OR1J2: variants seen among roughly 807,000 people sequenced by gnomAD.
OR1J2 encodes the protein olfactory receptor family 1 subfamily J member 2.
For synonymous variants in OR1J2, 142 were observed against 99.7 expected (o/e 1.42, Z -2.52); for missense variants, 304 against 246.1 (o/e 1.24, Z -1.57).
chr9:122,556,603 G>T, the OR1J2 span, among the ~76,000 whole-genome samples: 1 of 152,058 alleles, frequency 6.6e-6, no homozygotes, highest in African/African-American at 2.4e-5. Flanking sequence ...GTTGAAAGGT[G>T]CAGCAAACCA....
the OR1J2 span, chr9:122,477,822 G>T: frequency 6.2e-7 from 1 of 1,613,902 alleles, no homozygotes; most frequent in Non-Finnish European, 8.5e-7. Context: ...CCGTGGTCAG[G>T]TACATGCCCA....
the OR1J2 span, among the ~76,000 whole-genome samples, chr9:122,566,837 G>T: frequency 6.6e-6 from 1 of 152,152 alleles, no homozygotes; most frequent in African/African-American, 2.4e-5. Flanking sequence ...TTATGGGAAG[G>T]TGAACCAGAA....
At chr9:122,462,302 T>G in the OR1J2 span, among the ~76,000 whole-genome samples, 1 of 140,916 alleles carries the variant, frequency 7.1e-6, no homozygotes, top group East Asian at 2.3e-4. Context: ...TAAGTGTATG[T>G]GAGTCCTTAT....
the OR1J2 span, chr9:122,519,114 A>G: frequency 2.0e-6 from 3 of 1,499,260 alleles, no homozygotes; most frequent in South Asian, 1.2e-5. Context: ...ATGTCCCTCT[A>G]TTTCCAGCAG....
At chr9:122,576,089 T>C in the OR1J2 span, among the ~76,000 whole-genome samples, 1 of 152,346 alleles carries the variant, frequency 6.6e-6, no homozygotes, top group South Asian at 2.1e-4. Flanking sequence ...CTTAATAATA[T>C]TGTAAGGCTG....
At chr9:122,451,872 C>G in the OR1J2 span, among the ~76,000 whole-genome samples, 1 of 152,054 alleles carries the variant, frequency 6.6e-6, no homozygotes, top group Admixed American at 6.6e-5. Context: ...ACTTCACCCA[C>G]CAAGGAGTAA....
the OR1J2 span, among the ~76,000 whole-genome samples, chr9:122,544,535 C>T: frequency 2.7e-5 from 4 of 150,738 alleles, no homozygotes; most frequent in Non-Finnish European, 4.4e-5. Context: ...ATTCTTCTGC[C>T]TCACCCTCCC....
chr9:122,518,973 A>C, the OR1J2 span, among the ~76,000 whole-genome samples: 1 of 152,340 alleles, frequency 6.6e-6, no homozygotes, highest in African/African-American at 2.4e-5. Flanking sequence ...TGAGTGATAA[A>C]ACCATCTACT....
chr9:122,541,355 G>A, the OR1J2 span, among the ~76,000 whole-genome samples: 2 of 152,250 alleles, frequency 1.3e-5, no homozygotes, highest in African/African-American at 2.4e-5. Context: ...GGTGCCTCTC[G>A]ACTTGAGAGT....
At chr9:122,564,284 T>C in the OR1J2 span, among the ~76,000 whole-genome samples, 1 of 152,208 alleles carries the variant, frequency 6.6e-6, no homozygotes, top group South Asian at 2.1e-4. Context: ...TCCTCAATTC[T>C]AACTGTGGTT....
the OR1J2 span, among the ~76,000 whole-genome samples, chr9:122,465,745 G>C: frequency 1.3e-5 from 2 of 152,288 alleles, no homozygotes. Flanking sequence ...GAAGGACAAG[G>C]CTTGAGGATC....
the OR1J2 span, among the ~76,000 whole-genome samples, chr9:122,492,743 A>G: frequency 2.6e-5 from 4 of 152,090 alleles, no homozygotes; most frequent in East Asian, 1.9e-4. Context: ...TTCTAGTACT[A>G]TGTTGAATAG....
chr9:122,532,327 T>G, the OR1J2 span, among the ~76,000 whole-genome samples: 3 of 152,142 alleles, frequency 2.0e-5, no homozygotes, highest in African/African-American at 7.2e-5. Context: ...GCTAGTGGCT[T>G]GTGCTATAGC....
rs1335561657 is a variant in OR1J2, at chr9:122,511,239, T to G, written c.438T>G (p.Ala146=). The G allele has an allele frequency of 1.3e-6, 1 of 756,134 alleles. No individual in the cohort carries two copies. Among genetic ancestry groups the G allele is most frequent in the African/African-American group, 1.7e-5 (1 of 58,362 alleles). The allele number at this position is 756,134 out of a possible 1,614,324, so 46.8% of individuals were successfully genotyped here. The change falls in exon 1 of 1, where the codon GCT becomes GCG. Residue 146 remains alanine, a synonymous_variant. Transcript: ENST00000335302. ...AAGAGCTCTGTGTCTTCTTAGTGGCTGTATCTTGGATTCTGTCTTGTGCCA... is the reference window on the plus strand; with the variant it reads ...AAGAGCTCTGTGTCTTCTTAGTGGCGGTATCTTGGATTCTGTCTTGTGCCA... ...MREELCVFLV[A]VSWILSCASS... is the part of the protein sequence containing the mutation.
the OR1J2 span, chr9:122,477,240 G>T: frequency 2.4e-5 from 38 of 1,614,094 alleles, no homozygotes; most frequent in Middle Eastern, 3.3e-4. Context: ...CCTTGGTAGA[G>T]GGAATCTGGA....
the OR1J2 span, chr9:122,477,541 G>A: frequency 1.2e-6 from 2 of 1,614,168 alleles, no homozygotes; most frequent in Non-Finnish European, 1.7e-6. Context: ...ATAATGTAGA[G>A]GATGACAGAT....
the OR1J2 span, among the ~76,000 whole-genome samples, chr9:122,459,231 G>C: frequency 2.0e-5 from 3 of 152,138 alleles, no homozygotes; most frequent in Non-Finnish European, 2.9e-5. Context: ...TTTGGCTACT[G>C]TGAGTGGTGC....
At chr9:122,457,942 T>G in the OR1J2 span, among the ~76,000 whole-genome samples, 1 of 152,226 alleles carries the variant, frequency 6.6e-6, no homozygotes, top group Non-Finnish European at 1.5e-5. Flanking sequence ...TTTTAATTTT[T>G]CTTATACTTA....
chr9:122,464,505 G>A, the OR1J2 span, among the ~76,000 whole-genome samples: 4 of 152,216 alleles, frequency 2.6e-5, no homozygotes, highest in African/African-American at 4.8e-5. Flanking sequence ...GTATGTTCTT[G>A]TGGCAGTTCT....
Sources: allele counts gnomAD v4.1 joint callset (sites outside exome capture counted in the v4.1 genomes callset), GRCh38; gene constraint gnomAD v4.1.1; transcripts MANE v1.5; gene names NCBI Gene and HGNC (gene_info 2026-07-23, HGNC 2026-07-21).